Variants in ATAD2B observed in about 807,000 individuals in gnomAD.
ATAD2B encodes the protein ATPase family AAA domain containing 2B.
A neutral mutation model predicts 167.6 loss-of-function variants in ATAD2B; 40 were observed. The ratio of observed to expected loss-of-function variants is 0.24; its 90% confidence interval spans 0.19 to 0.31. The LOEUF (loss-of-function observed/expected upper bound fraction) is 0.31, where lower values mean the gene tolerates loss of function less well. ATAD2B is among the 10% of genes least tolerant of loss of function. The probability of loss-of-function intolerance (pLI) is 1.00; values close to 1 mark genes in which losing one functional copy is unlikely to be tolerated. For missense variants in ATAD2B, 1,242 were observed against 1,757.2 expected (o/e 0.71, Z 5.24); for synonymous variants, 579 against 596.5 (o/e 0.97, Z 0.43).
At chr2:23,696,012 G>A in the ATAD2B span, 32 of 1,551,588 alleles carry the variant, frequency 2.1e-5, no homozygotes, top group Admixed American at 3.9e-5. This position sits in a 1 kb window ranked among gnomAD's most constrained non-coding sequence, Gnocchi z 5.5. Flanking sequence ...CCCAGCGCTC[G>A]CTGGTGGCCG....
chr2:23,882,713 G>A (rs1698117182), intron 6 of ATAD2B, among the ~76,000 whole-genome samples: 1 of 151,600 alleles, frequency 6.6e-6, no homozygotes, highest in South Asian at 2.1e-4. Flanking sequence ...GGGAGGCTGA[G>A]GCAGGAGAAT....
rs190771532 is a variant in ATAD2B, at chr2:23,882,454, C to T, written c.785-1699G>A. 6.7e-3 allele frequency among the ~76,000 whole-genome samples: 980 copies of T among 146,594 alleles called. 28 individuals are homozygous for T. The East Asian group carries it at 0.081, about 12-fold the overall frequency. Reference sequence around the variant, plus strand: ...CAAGTGATCCACCCGCCTCAGCCTCCGAAAGTGCTGGAATTATAGGGGTGA... The same window carrying T: ...CAAGTGATCCACCCGCCTCAGCCTCTGAAAGTGCTGGAATTATAGGGGTGA... On this transcript the variant is annotated intron_variant, in intron 6 of 27. Coordinates refer to ENST00000238789, the MANE Select transcript of ATAD2B (RefSeq NM_017552.4).
At chr2:23,843,009 G>A (rs183802830) in intron 13 of ATAD2B, among the ~76,000 whole-genome samples, 150 of 152,222 alleles carry the variant, frequency 9.9e-4, no homozygotes, top group African/African-American at 3.5e-3. Context: ...ACATTCTCAA[G>A]AGAAAAGAAA....
rs149263372 is a variant in ATAD2B, at chr2:23,915,117, T to C, written c.216+11438A>G. Among the ~76,000 whole-genome samples the C allele has an allele frequency of 3.3e-5, 5 of 152,278 alleles. No individual in the cohort carries two copies. In the East Asian group the frequency reaches 7.7e-4, roughly 24 times the overall value. On this transcript the variant is annotated intron_variant, in intron 1 of 27. Coordinates refer to ENST00000238789, the MANE Select transcript of ATAD2B (RefSeq NM_017552.4). Reference sequence around the variant, plus strand: ...TTAATTGACCCTACAAAGTACTATGTAGCAGGTGGGAGTAGTGACTGTATG... The same window carrying C: ...TTAATTGACCCTACAAAGTACTATGCAGCAGGTGGGAGTAGTGACTGTATG...
intron 19 of ATAD2B, among the ~76,000 whole-genome samples, chr2:23,794,253 G>A (rs1163378511): frequency 3.3e-5 from 5 of 152,164 alleles, no homozygotes; most frequent in Admixed American, 2.0e-4. Context: ...CAAGTGATCC[G>A]CTTGCCTCAG....
chr2:23,758,334 G>A (rs1676200983), intron 24 of ATAD2B, among the ~76,000 whole-genome samples: 1 of 152,162 alleles, frequency 6.6e-6, no homozygotes, highest in Non-Finnish European at 1.5e-5. Context: ...TTTCCTGTAT[G>A]AGTTTATTCA....
At chr2:23,731,889 A>C in the ATAD2B span, among the ~76,000 whole-genome samples, 3 of 151,940 alleles carry the variant, frequency 2.0e-5, no homozygotes, top group Non-Finnish European at 4.4e-5. Flanking sequence ...AGGCAGGAAA[A>C]TCATTTGAGC....
chr2:23,681,125 G>A, the ATAD2B span, among the ~76,000 whole-genome samples: 4 of 152,242 alleles, frequency 2.6e-5, no homozygotes, highest in Non-Finnish European at 5.9e-5. This position sits in a 1 kb window ranked among gnomAD's most constrained non-coding sequence, Gnocchi z 4.2. Context: ...CACAGCCTGA[G>A]AGCCTAAGCT....
At chr2:23,803,267 T>C (rs541464973) in intron 18 of ATAD2B, among the ~76,000 whole-genome samples, 1 of 152,142 alleles carries the variant, frequency 6.6e-6, no homozygotes, top group African/African-American at 2.4e-5. Flanking sequence ...AGGGTTCTCA[T>C]TCTCCTTCCA....
chr2:23,809,419 A>G (rs76581703), intron 18 of ATAD2B, among the ~76,000 whole-genome samples: 3,336 of 152,262 alleles, frequency 0.022, 136 homozygotes, highest in African/African-American at 0.076. Context: ...TAAAAAATGC[A>G]TATTTCTTGC....
intron 13 of ATAD2B, among the ~76,000 whole-genome samples, chr2:23,847,280 C>G (rs1252562414): frequency 6.6e-6 from 1 of 150,426 alleles, no homozygotes; most frequent in African/African-American, 2.5e-5. Flanking sequence ...CCGAGGCAGG[C>G]GGATCACAAG....
At chr2:23,686,353 C>T in the ATAD2B span, among the ~76,000 whole-genome samples, 1 of 152,110 alleles carries the variant, frequency 6.6e-6, no homozygotes, top group African/African-American at 2.4e-5. Flanking sequence ...ACATCCCCAC[C>T]TTGGCAGGTA....
At chr2:23,870,222 A>T (rs76998038) in intron 8 of ATAD2B, among the ~76,000 whole-genome samples, 2 of 145,764 alleles carry the variant, frequency 1.4e-5, no homozygotes, top group Admixed American at 7.0e-5. Flanking sequence ...AAAAAAAAAA[A>T]GGAGAATAGA....
At chr2:23,747,434 G>C (rs1270520662), downstream of ATAD2B, among the ~76,000 whole-genome samples, 20 of 151,720 alleles carry the variant, frequency 1.3e-4, no homozygotes, top group Non-Finnish European at 1.5e-5. Flanking sequence ...TAATATGAAA[G>C]GTCACACACA....
At chr2:23,790,262 C>A (rs543038071) in intron 19 of ATAD2B, among the ~76,000 whole-genome samples, 1 of 152,068 alleles carries the variant, frequency 6.6e-6, no homozygotes, top group Non-Finnish European at 1.5e-5. Context: ...CATTATGATA[C>A]TATGCTGGGA....
chr2:23,719,795 G>C, the ATAD2B span, among the ~76,000 whole-genome samples: 1 of 152,190 alleles, frequency 6.6e-6, no homozygotes, highest in Non-Finnish European at 1.5e-5. Context: ...AGTACCTAAA[G>C]GGAGAAATAT....
intron 1 of ATAD2B, among the ~76,000 whole-genome samples, chr2:23,901,586 A>C (rs1700846851): frequency 6.6e-6 from 1 of 152,196 alleles, no homozygotes; most frequent in African/African-American, 2.4e-5. Context: ...CATGATAACA[A>C]GGAAAAACAA....
the ATAD2B span, among the ~76,000 whole-genome samples, chr2:23,699,367 G>A: frequency 6.6e-6 from 1 of 152,256 alleles, no homozygotes; most frequent in Admixed American, 6.5e-5. Context: ...CGAACAGTGA[G>A]CAGCATGGTG....
intron 13 of ATAD2B, among the ~76,000 whole-genome samples, chr2:23,848,378 G>C (rs563878360): frequency 1.1e-4 from 16 of 152,038 alleles, no homozygotes; most frequent in Non-Finnish European, 1.8e-4. Context: ...TACGCAGGAG[G>C]CTCAGGCAGG....
Sources: allele counts gnomAD v4.1 joint callset (sites outside exome capture counted in the v4.1 genomes callset), GRCh38; gene constraint gnomAD v4.1.1; non-coding constraint Gnocchi (gnomAD v3.1); transcripts MANE v1.5; gene names NCBI Gene and HGNC (gene_info 2026-07-23, HGNC 2026-07-21).